The following ST3GAL3 variants were observed in gnomAD, a reference collection of about 807,000 sequenced individuals.
ST3GAL3 encodes CMP-N-acetylneuraminate-beta-1,4-galactoside alpha-2,3-sialyltransferase.
In ST3GAL3, 21 loss-of-function variants were observed where a neutral mutation model predicts 50.1. The ratio of observed to expected loss-of-function variants is 0.42; its 90% CI spans 0.30 to 0.60. The LOEUF (loss-of-function observed/expected upper bound fraction) is 0.60. ST3GAL3 is among the 20% of genes least tolerant of loss of function. ST3GAL3 has a pLI of 0.19. For missense variants in ST3GAL3, 353 were observed against 489.4 expected (o/e 0.72, Z 2.63); for synonymous variants, 183 against 190.0 (o/e 0.96, Z 0.30).
intron 9 of ST3GAL3, among the ~76,000 whole-genome samples, chr1:43,915,861 G>A (rs1199104256): frequency 1.3e-5 from 2 of 152,234 alleles, no homozygotes; most frequent in African/African-American, 2.4e-5. Flanking sequence ...GCTCACGCCT[G>A]TAATCCCAGC....
intron 5 of ST3GAL3, among the ~76,000 whole-genome samples, chr1:43,870,723 G>A (rs989289002): frequency 2.0e-5 from 3 of 152,146 alleles, no homozygotes; most frequent in Non-Finnish European, 4.4e-5. Flanking sequence ...TCCCGGGAGA[G>A]CCTGTGATGG....
chr1:43,880,181 G>T (rs2074868520), intron 5 of ST3GAL3, among the ~76,000 whole-genome samples: 1 of 152,204 alleles, frequency 6.6e-6, no homozygotes, highest in Non-Finnish European at 1.5e-5. Context: ...GTGCCACAAA[G>T]TCTGCTGGGG....
chr1:43,743,922 A>G (rs1248197329), intron 2 of ST3GAL3, among the ~76,000 whole-genome samples: 1 of 150,614 alleles, frequency 6.6e-6, no homozygotes, highest in East Asian at 2.0e-4. Flanking sequence ...AAGAAAACAA[A>G]ATGGCCAATG....
intron 2 of ST3GAL3, 95 bp downstream of exon 2, chr1:43,736,475 G>A (rs1184246609): frequency 2.5e-6 from 4 of 1,607,248 alleles, no homozygotes; most frequent in Non-Finnish European, 3.4e-6. Flanking sequence ...TTCAGAGATG[G>A]GCAATGAGAG....
At chr1:43,870,466 T>C (rs1186973491) in intron 5 of ST3GAL3, among the ~76,000 whole-genome samples, 1 of 152,192 alleles carries the variant, frequency 6.6e-6, no homozygotes, top group Non-Finnish European at 1.5e-5. Flanking sequence ...GAGCACAGGC[T>C]TCCCAGAAGG....
intron 2 of ST3GAL3, among the ~76,000 whole-genome samples, chr1:43,770,092 A>AT (rs1458397514): frequency 2.6e-5 from 4 of 152,052 alleles, no homozygotes; most frequent in Admixed American, 2.0e-4. Context: ...TAATCAAAAG[A>AT]TTTTTGAAAT....
intron 4 of ST3GAL3, among the ~76,000 whole-genome samples, chr1:43,825,059 A>G (rs1026125356): frequency 1.3e-5 from 2 of 152,224 alleles, no homozygotes; most frequent in Non-Finnish European, 2.9e-5. Context: ...CTCACTACCC[A>G]GAGATTCTGA....
chr1:43,880,818 C>T (rs1346061221), intron 5 of ST3GAL3, among the ~76,000 whole-genome samples: 2 of 152,142 alleles, frequency 1.3e-5, no homozygotes, highest in African/African-American at 4.8e-5. Context: ...AAATAGTGCC[C>T]ATCCTGAGGT....
chr1:43,840,616 C>T (rs1432122712), intron 5 of ST3GAL3: 1 of 152,114 alleles, frequency 6.6e-6, no homozygotes, highest in Non-Finnish European at 1.5e-5. Context: ...TTGAAAATCC[C>T]TAATAAAAAC....
chr1:43,712,329 C>T (rs1253111280), intron 1 of ST3GAL3, among the ~76,000 whole-genome samples: 1 of 152,164 alleles, frequency 6.6e-6, no homozygotes, highest in Non-Finnish European at 1.5e-5. Context: ...CCTTTTTTCT[C>T]CCTTGGACAG....
At chr1:43,885,433 C>CA (rs1288100044) in intron 5 of ST3GAL3, among the ~76,000 whole-genome samples, 20 of 152,012 alleles carry the variant, frequency 1.3e-4, no homozygotes, top group Non-Finnish European at 2.8e-4. Context: ...GAGGCTGCCT[C>CA]GCGTGCCGGG....
chr1:43,904,870 C>A (rs897960937), intron 9 of ST3GAL3, among the ~76,000 whole-genome samples: 1 of 124,714 alleles, frequency 8.0e-6, no homozygotes, highest in African/African-American at 3.0e-5. Context: ...TCCTCCTCCT[C>A]CTGCTCCTCT....
At chr1:43,736,125 C>T (rs949220466) in intron 1 of ST3GAL3, 108 bp from the exon 2 acceptor site, 3 of 1,098,208 alleles carry the variant, frequency 2.7e-6, no homozygotes, top group African/African-American at 3.1e-5. Flanking sequence ...AAAGTGATAA[C>T]TCTAAGTTAT....
intron 2 of ST3GAL3, chr1:43,743,625 G>C: frequency 3.4e-6 from 1 of 295,290 alleles, no homozygotes. Context: ...TTGACAGGTG[G>C]CCAATCCATG....
At chr1:43,740,802 T>C (rs1680550904) in intron 2 of ST3GAL3, among the ~76,000 whole-genome samples, 1 of 147,440 alleles carries the variant, frequency 6.8e-6, no homozygotes, top group Non-Finnish European at 1.5e-5. Flanking sequence ...GGCAACAGCA[T>C]GAAACCTTGT....
intron 2 of ST3GAL3, among the ~76,000 whole-genome samples, chr1:43,775,033 A>G (rs1696656059): frequency 6.6e-6 from 1 of 152,244 alleles, no homozygotes; most frequent in East Asian, 1.9e-4. Context: ...CTCCGTCCTC[A>G]GCCCCTAGTT....
intron 2 of ST3GAL3, among the ~76,000 whole-genome samples, chr1:43,745,318 C>T (rs1036833433): frequency 3.3e-5 from 5 of 151,830 alleles, no homozygotes; most frequent in Admixed American, 6.6e-5. Context: ...TTTTACTGTA[C>T]AAGGTTATAT....
chr1:43,923,050 C>T (rs1336012858), intron 11 of ST3GAL3, among the ~76,000 whole-genome samples: 1 of 152,118 alleles, frequency 6.6e-6, no homozygotes. Flanking sequence ...GATCACACCA[C>T]TGCACTCTAG....
At chr1:43,747,321 A>C (rs2154105173) in intron 2 of ST3GAL3, among the ~76,000 whole-genome samples, 1 of 151,960 alleles carries the variant, frequency 6.6e-6, no homozygotes, top group East Asian at 2.0e-4. Flanking sequence ...CTGAGGCAAG[A>C]GCATCGCTTG....
Sources: allele counts gnomAD v4.1 joint callset (sites outside exome capture counted in the v4.1 genomes callset), GRCh38; gene constraint gnomAD v4.1.1; transcripts MANE v1.5; gene names NCBI Gene and HGNC (gene_info 2026-07-23, HGNC 2026-07-21).